HTR1F: variants seen among roughly 807,000 people sequenced by gnomAD.
The protein encoded by HTR1F is 5-hydroxytryptamine receptor 1F.
Under a neutral mutation model 24.0 loss-of-function variants are expected in HTR1F, and 17 were observed. The observed-to-expected ratio is 0.71, with a 90% CI of 0.48 to 1.06. The LOEUF (loss-of-function observed/expected upper bound fraction) is 1.06, where lower values mean the gene tolerates loss of function less well. Ranked by LOEUF, HTR1F falls within the 50% of genes least tolerant of loss-of-function variation. HTR1F has a pLI of 0.00. For missense variants in HTR1F, 391 were observed against 427.8 expected, an observed-to-expected ratio of 0.91 and a Z score of 0.76; for synonymous variants, 186 against 156.8, an observed-to-expected ratio of 1.19 and a Z score of -1.39.
intron 2 of HTR1F, among the ~76,000 whole-genome samples, chr3:87,863,197 C>T (rs1267855233): frequency 3.3e-5 from 5 of 152,162 alleles, no homozygotes; most frequent in African/African-American, 1.2e-4. Context: ...AGCAAAAGGT[C>T]GTCCAACCAT....
intron 2 of HTR1F, among the ~76,000 whole-genome samples, chr3:87,832,358 C>G (rs147347770): frequency 0.011 from 1,509 of 138,982 alleles, 34 homozygotes; most frequent in African/African-American, 0.038. Context: ...GATGGAGTCT[C>G]GCTCTGTCGC....
chr3:87,989,392 G>T lies in HTR1F; in HGVS notation c.-42-1316G>T, dbSNP rs1333409060. ...GTAACGGACTTGTTTGATCATAGCTGTCATTATTATAATGGGCAGTGTTGT... is the reference window on the plus strand; with the variant it reads ...GTAACGGACTTGTTTGATCATAGCTTTCATTATTATAATGGGCAGTGTTGT... On this transcript the variant is annotated intron_variant, in intron 2 of 2. Transcript: ENST00000319595. Among the ~76,000 whole-genome samples, 3 of 152,112 alleles carry T rather than the reference G, an allele frequency of 2.0e-5. No homozygotes were observed. The East Asian group carries it at 5.8e-4, about 29-fold the overall frequency.
intron 2 of HTR1F, among the ~76,000 whole-genome samples, chr3:87,847,138 A>G (rs950729988): frequency 2.6e-5 from 4 of 151,900 alleles, no homozygotes; most frequent in African/African-American, 7.3e-5. Context: ...TTCACTAAAA[A>G]TCAAAGAAAT....
intron 2 of HTR1F, among the ~76,000 whole-genome samples, chr3:87,938,999 C>A (rs1046871873): frequency 6.6e-6 from 1 of 152,120 alleles, no homozygotes; most frequent in Non-Finnish European, 1.5e-5. Context: ...AGCAAATAAC[C>A]TACAGAAAAT....
At chr3:87,821,440 A>T (rs941846774) in intron 1 of HTR1F, among the ~76,000 whole-genome samples, 6 of 152,124 alleles carry the variant, frequency 3.9e-5, no homozygotes, top group Non-Finnish European at 7.4e-5. Context: ...CCTACTTTTA[A>T]TCCCACAAAA....
At chr3:87,840,961 G>C (rs555667595) in intron 2 of HTR1F, among the ~76,000 whole-genome samples, 1 of 152,002 alleles carries the variant, frequency 6.6e-6, no homozygotes, top group Admixed American at 6.6e-5. Context: ...GGAGATGTTG[G>C]TCAGTGGGTA....
rs3079048 is a variant in HTR1F at position 87,873,133 on chromosome 3, C to CAGAGAGAGAG, written c.-43+51016_-43+51017insGAGAGAGAGA. Among the ~76,000 whole-genome samples the CAGAGAGAGAG allele has an allele frequency of 8.9e-3, 1,163 of 130,292 alleles. 20 individuals carry two copies. Among genetic ancestry groups the CAGAGAGAGAG allele is most frequent in the African/African-American group, 0.029 (1,092 of 38,138 alleles). 85.5% of individuals were successfully genotyped at this position (130,292 alleles called of 152,430 possible). A position where few individuals can be genotyped will look rare whatever the true frequency, so the allele number is the denominator to read the frequency against. On this transcript the variant is annotated intron_variant, in intron 2 of 2. Coordinates refer to ENST00000319595, the MANE Select transcript of HTR1F (RefSeq NM_001322209.2). ...ACACACACACACACACACACACACA[C>CAGAGAGAGAG]AGAGAGATTTATGAGATTTATTATA...
intron 2 of HTR1F, among the ~76,000 whole-genome samples, chr3:87,845,619 G>C (rs1425000382): frequency 6.6e-5 from 10 of 151,192 alleles, no homozygotes; most frequent in Non-Finnish European, 1.2e-4. Context: ...CCATGCTCAT[G>C]GGTAGGAAGA....
Position 87,990,923 on chromosome 3 carries a change from C to A in HTR1F, c.174C>A (p.Ala58=). The A allele has an allele frequency of 2.5e-6, 4 of 1,614,112 alleles. No individual in the cohort carries two copies. The highest frequency in any genetic ancestry group is 3.4e-6 in the Non-Finnish European group (4 of 1,180,022). ...IIVTRKLHHP[A]NYLICSLAVT... ...TGACCCGGAAGCTGCACCATCCAGCCAATTATTTAATTTGTTCCCTTGCAG... is the reference window on the plus strand; with the variant it reads ...TGACCCGGAAGCTGCACCATCCAGCAAATTATTTAATTTGTTCCCTTGCAG... The change falls in exon 3 of 3, where the codon GCC becomes GCA. Residue 58 remains alanine (A), a synonymous_variant. Transcript: ENST00000319595.
intron 2 of HTR1F, among the ~76,000 whole-genome samples, chr3:87,977,393 C>CTT (rs34070984): frequency 3.1e-3 from 230 of 73,052 alleles, no homozygotes; most frequent in African/African-American, 8.9e-3. Flanking sequence ...GAAGCTGAGA[C>CTT]TTTTTTTTTT....
At chr3:87,934,088 T>C (rs1163251124) in intron 2 of HTR1F, among the ~76,000 whole-genome samples, 1 of 152,232 alleles carries the variant, frequency 6.6e-6, no homozygotes, top group Non-Finnish European at 1.5e-5. Context: ...TTCCTCCCCA[T>C]ACTTCCTTCT....
At chr3:87,818,350 G>A (rs1704288755) in intron 1 of HTR1F, among the ~76,000 whole-genome samples, 2 of 152,158 alleles carry the variant, frequency 1.3e-5, no homozygotes, top group Non-Finnish European at 2.9e-5. Context: ...CCACTGTTTG[G>A]CACAGCAGGG....
chr3:87,840,715 G>T (rs1284344009), intron 2 of HTR1F, among the ~76,000 whole-genome samples: 1 of 150,316 alleles, frequency 6.7e-6, no homozygotes, highest in Non-Finnish European at 1.5e-5. Context: ...TTTTTAAAAT[G>T]TGATGTATAT....
chr3:87,991,848 T>C lies in HTR1F; in HGVS notation c.1099T>C (p.Ter367GlnextTer2), dbSNP rs376951253. 34 of 1,557,428 alleles carry C rather than the reference T, an allele frequency of 2.2e-5. No individual in the cohort carries two copies. The highest frequency in any genetic ancestry group is 8.2e-5 in the Admixed American group (4 of 49,078). Residue 367 changes from the stop codon to glutamine (Q), a stop_lost, in exon 3 of 3, where the codon TAG (stop) becomes CAG (glutamine). Transcript: ENST00000319595. ...CCAAAAGCTTGTGCGATGTCGATGT[T>C]AGTTTTAAAAATGTTTATTATTGAA... ...AFQKLVRCRC* is the reference protein window; with the variant it reads ...AFQKLVRCRCQ
At position 87,798,592 on chromosome 3, in the gene HTR1F, C is replaced by CA. The variant is rs113907496; in HGVS notation, c.-160+5762dup. Among the ~76,000 whole-genome samples the CA allele has an allele frequency of 4.3e-3, 621 of 145,112 alleles. 5 individuals carry two copies. Among genetic ancestry groups the CA allele is most frequent in the Admixed American group, 0.021 (310 of 14,528 alleles). Reference sequence around the variant, plus strand: ...TGATCTTTTCTCAGCTATCTTCCCTCAAAAAAAAAAAACCTAATTTTTATT... The same window carrying CA: ...TGATCTTTTCTCAGCTATCTTCCCTCAAAAAAAAAAAAACCTAATTTTTATT... On this transcript the variant is annotated intron_variant, in intron 1 of 2. Transcript: ENST00000319595.
intron 2 of HTR1F, among the ~76,000 whole-genome samples, chr3:87,902,287 A>T (rs1374298397): frequency 6.6e-6 from 1 of 152,164 alleles, no homozygotes; most frequent in African/African-American, 2.4e-5. Context: ...CCTGATTTAT[A>T]ATCAATATGC....
chr3:87,939,011 T>C (rs1704496273), intron 2 of HTR1F, among the ~76,000 whole-genome samples: 1 of 152,074 alleles, frequency 6.6e-6, no homozygotes, highest in African/African-American at 2.4e-5. Flanking sequence ...ACAGAAAATA[T>C]TTGCAAACTA....
intron 1 of HTR1F, among the ~76,000 whole-genome samples, chr3:87,797,820 G>A (rs147505666): frequency 9.1e-4 from 139 of 152,266 alleles, no homozygotes; most frequent in African/African-American, 3.0e-3. Context: ...TACTAATGTC[G>A]GAAGTAGACC....
intron 2 of HTR1F, among the ~76,000 whole-genome samples, chr3:87,945,299 A>T (rs1484055692): frequency 6.6e-6 from 1 of 152,148 alleles, no homozygotes; most frequent in African/African-American, 2.4e-5. Context: ...ATGCCTAAGG[A>T]CACAGCATAG....
Sources: gnomAD v4.1 joint callset for allele counts (sites outside exome capture counted in the v4.1 genomes callset) on GRCh38, gnomAD v4.1.1 for gene constraint, MANE v1.5 for transcripts, NCBI Gene and HGNC (gene_info 2026-07-23, HGNC 2026-07-21) for gene names.